GRAMD1B: variants seen among roughly 807,000 people sequenced by gnomAD.
GRAMD1B encodes the protein protein Aster-B.
In GRAMD1B, 37 loss-of-function variants were observed where a neutral mutation model predicts 99.7. That is an observed-to-expected ratio of 0.37 (90% confidence interval 0.29 to 0.49). GRAMD1B has a LOEUF of 0.49. Among genes scored for constraint, GRAMD1B ranks in the 20% least tolerant of loss-of-function variants. The pLI, the probability that GRAMD1B is intolerant of heterozygous loss-of-function variation, is 0.98. For missense variants in GRAMD1B, 888 were observed against 1,009.2 expected, an observed-to-expected ratio of 0.88 and a Z score of 1.63; for synonymous variants, 427 against 387.6, an observed-to-expected ratio of 1.10 and a Z score of -1.19.
rs949383089 is a variant in GRAMD1B, at chr11:123,610,914, T to C, written c.1919+576T>C. Among the ~76,000 whole-genome samples the C allele has an allele frequency of 5.9e-5, 9 of 152,326 alleles. No homozygotes were observed. The highest frequency in any genetic ancestry group is 2.1e-4 in the South Asian group (1 of 4,816). ...ACACTTATTAGTGAATAATTAGTTCTGGGCACTGTGAAGTGCTTCCAAAGG... is the reference window on the plus strand; with the variant it reads ...ACACTTATTAGTGAATAATTAGTTCCGGGCACTGTGAAGTGCTTCCAAAGG... On this transcript the variant is annotated intron_variant, in intron 14 of 19. Coordinates refer to ENST00000635736, the MANE Select transcript of GRAMD1B (RefSeq NM_001387025.1). This position sits in a 1 kb window ranked among gnomAD's most constrained non-coding sequence, Gnocchi z 4.1.
chr11:123,580,613 G>A (rs938110893), intron 3 of GRAMD1B, among the ~76,000 whole-genome samples: 14 of 152,268 alleles, frequency 9.2e-5, no homozygotes, highest in African/African-American at 4.8e-5. Flanking sequence ...GCTAAGGCCC[G>A]ACCCCTCTGG....
intron 19 of GRAMD1B, among the ~76,000 whole-genome samples, chr11:123,620,446 C>T (rs1441814498): frequency 4.3e-5 from 2 of 46,132 alleles, no homozygotes; most frequent in Non-Finnish European, 1.1e-4. Flanking sequence ...TGCACTCCAG[C>T]CTGGCAACAG....
chr11:123,584,391 G>A, intron 4 of GRAMD1B, 59 bp downstream of exon 4: 3 of 953,614 alleles, frequency 3.1e-6, no homozygotes, highest in South Asian at 1.5e-5. Context: ...GGGAATGGAG[G>A]TTGGGGGAAG....
intron 19 of GRAMD1B, among the ~76,000 whole-genome samples, chr11:123,621,223 T>A (rs1955082391): frequency 6.6e-6 from 1 of 152,156 alleles, no homozygotes; most frequent in Non-Finnish European, 1.5e-5. Flanking sequence ...CCGTAACCAT[T>A]TACCCCAGAA....
At chr11:123,531,898 G>T (rs1279884355) in intron 2 of GRAMD1B, among the ~76,000 whole-genome samples, 2 of 151,788 alleles carry the variant, frequency 1.3e-5, no homozygotes, top group Non-Finnish European at 2.9e-5. Context: ...ACCACGCCTG[G>T]CTAATTTTGT....
chr11:123,570,714 G>GCACC (rs1171487962), intron 2 of GRAMD1B, among the ~76,000 whole-genome samples: 1 of 152,112 alleles, frequency 6.6e-6, no homozygotes, highest in East Asian at 1.9e-4. Context: ...GTGAGCCACG[G>GCACC]CACCCAGCCA....
intron 1 of GRAMD1B, among the ~76,000 whole-genome samples, chr11:123,471,718 A>C (rs1591633693): frequency 6.6e-6 from 1 of 152,190 alleles, no homozygotes; most frequent in African/African-American, 2.4e-5. Flanking sequence ...ATTAATTCAT[A>C]AAGCAGTGGT....
At chr11:123,478,027 A>T (rs1951389312) in intron 1 of GRAMD1B, among the ~76,000 whole-genome samples, 1 of 152,020 alleles carries the variant, frequency 6.6e-6, no homozygotes, top group East Asian at 1.9e-4. Context: ...TCCTGATCTC[A>T]GGTGATCCAC....
intron 1 of GRAMD1B, among the ~76,000 whole-genome samples, chr11:123,370,084 G>A (rs1170888947): frequency 6.6e-6 from 1 of 151,898 alleles, no homozygotes; most frequent in African/African-American, 2.4e-5. Context: ...GGGGGCTGAG[G>A]CAGGCAGATC....
chr11:123,533,324 A>C (rs974037381), intron 2 of GRAMD1B, among the ~76,000 whole-genome samples: 2 of 152,176 alleles, frequency 1.3e-5, no homozygotes, highest in Non-Finnish European at 2.9e-5. Context: ...AAACTTAGCT[A>C]GCAGTCCTGT....
rs953649951 is a variant in GRAMD1B at position 123,598,324 on chromosome 11, T to C, written c.970-2144T>C. The C allele has an allele frequency of 3.3e-6, 4 of 1,216,508 alleles. No individual in the cohort carries two copies. The African/African-American group carries it at 5.9e-5, about 18-fold the overall frequency. 75.4% of individuals were successfully genotyped at this position (1,216,508 alleles called of 1,614,324 possible). A position where few individuals can be genotyped will look rare whatever the true frequency, so the allele number is the denominator to read the frequency against. ...AGTGGCAGGTTTTTGGGGTTGTAAA[T>C]GATCTCGTTCTCTTCATCTTCACTC... On this transcript the variant is annotated intron_variant, in intron 7 of 19. Coordinates refer to ENST00000635736, the MANE Select transcript of GRAMD1B (RefSeq NM_001387025.1).
At chr11:123,559,168 C>T (rs1426061408) in intron 2 of GRAMD1B, among the ~76,000 whole-genome samples, 1 of 152,136 alleles carries the variant, frequency 6.6e-6, no homozygotes, top group African/African-American at 2.4e-5. Context: ...TTGGGTGGTC[C>T]CCTAGACCTG....
chr11:123,598,973 AT>A, intron 7 of GRAMD1B: 1 of 1,052,082 alleles, frequency 9.5e-7, no homozygotes, highest in Non-Finnish European at 1.5e-6. Flanking sequence ...GGTATGTGAT[AT>A]AATCCAGCTT....
intron 10 of GRAMD1B, among the ~76,000 whole-genome samples, chr11:123,605,753 C>G (rs1952628120): frequency 6.6e-6 from 1 of 152,236 alleles, no homozygotes; most frequent in Non-Finnish European, 1.5e-5. Context: ...TGGGCTGCTG[C>G]TGATCAGCCC....
intron 1 of GRAMD1B, among the ~76,000 whole-genome samples, chr11:123,362,798 C>A (rs1946188999): frequency 6.6e-6 from 1 of 152,074 alleles, no homozygotes; most frequent in Admixed American, 6.6e-5. Context: ...TGGAAGAGAG[C>A]AATTCCTAGA....
chr11:123,531,052 T>G (rs1303428895), intron 2 of GRAMD1B, among the ~76,000 whole-genome samples: 1 of 152,238 alleles, frequency 6.6e-6, no homozygotes, highest in East Asian at 1.9e-4. Context: ...GTGGACTGTT[T>G]GCGTTCTTCT....
intron 2 of GRAMD1B, among the ~76,000 whole-genome samples, chr11:123,495,958 C>A (rs1939205115): frequency 6.6e-6 from 1 of 152,130 alleles, no homozygotes; most frequent in Admixed American, 6.5e-5. Flanking sequence ...ATTGGTTCAT[C>A]ATTTAGTCTT....
chr11:123,472,455 G>A (rs1054568731), intron 1 of GRAMD1B, among the ~76,000 whole-genome samples: 4 of 152,054 alleles, frequency 2.6e-5, no homozygotes, highest in Non-Finnish European at 4.4e-5. Flanking sequence ...GTGAAGCAGC[G>A]TTGTTGTCTG....
upstream of GRAMD1B, among the ~76,000 whole-genome samples, chr11:123,428,085 T>C (rs1051835345): frequency 2.0e-5 from 3 of 152,188 alleles, no homozygotes; most frequent in Non-Finnish European, 4.4e-5. Flanking sequence ...CTTTTGTGTT[T>C]TTGGCCTCCA....
Sources: gnomAD v4.1 joint callset for allele counts (sites outside exome capture counted in the v4.1 genomes callset) on GRCh38, gnomAD v4.1.1 for gene constraint, Gnocchi (gnomAD v3.1) non-coding constraint, MANE v1.5 for transcripts, NCBI Gene and HGNC (gene_info 2026-07-23, HGNC 2026-07-21) for gene names.